TANGO6: variants seen among roughly 807,000 people sequenced by gnomAD.
TANGO6 encodes the protein transport and golgi organization 6 homolog, also known as transport and Golgi organization protein 6 homolog.
Under a neutral mutation model 114.2 loss-of-function variants are expected in TANGO6, and 90 were observed. That is an observed-to-expected ratio of 0.79 (90% CI 0.66 to 0.94). TANGO6 has a LOEUF of 0.94. TANGO6 is among the 40% of genes least tolerant of loss of function. The probability of loss-of-function intolerance (pLI) is 0.00; values close to 1 mark genes in which losing one functional copy is unlikely to be tolerated. For missense variants in TANGO6, 1,274 were observed against 1,315.3 expected (o/e 0.97, Z 0.49); for synonymous variants, 477 against 509.8 (o/e 0.94, Z 0.87).
rs762183826 is a variant in TANGO6, at chr16:68,909,268, A to G, written c.1858A>G (p.Ser620Gly). The change falls in exon 11 of 18, where the codon AGC becomes GGC. Residue 620 changes from serine to glycine, a missense_variant. This residue lies in a region of TANGO6 where 908 missense variants were observed against 910.2 expected (regional missense o/e 1.00). Transcript: ENST00000261778. ...ETELKTEPFSSKSLLELEQHQ... is the reference protein window; with the variant it reads ...ETELKTEPFSGKSLLELEQHQ... ...AGAGTTAAAAACTGAGCCCTTCTCC[A>G]GCAAGAGCCTCTTGGAATTAGAGCA... 1 of 1,609,432 alleles carries G rather than the reference A, an allele frequency of 6.2e-7. No individual in the cohort carries two copies. The highest frequency in any genetic ancestry group is 8.5e-7 in the Non-Finnish European group (1 of 1,177,640).
chr16:69,059,217 A>T (rs968241143), intron 17 of TANGO6, among the ~76,000 whole-genome samples: 6 of 150,152 alleles, frequency 4.0e-5, no homozygotes, highest in African/African-American at 1.2e-4. Flanking sequence ...TGGGAAGTGT[A>T]CGCCACCACG....
At chr16:69,070,568 G>A (rs546436949) in intron 17 of TANGO6, among the ~76,000 whole-genome samples, 1 of 150,396 alleles carries the variant, frequency 6.6e-6, no homozygotes, top group Non-Finnish European at 1.5e-5. Flanking sequence ...GGGAGGCAGA[G>A]GTTGCAGTGA....
chr16:69,028,095 G>T (rs1460766347), intron 16 of TANGO6, among the ~76,000 whole-genome samples: 2 of 152,046 alleles, frequency 1.3e-5, no homozygotes, highest in Non-Finnish European at 2.9e-5. Flanking sequence ...CAGTAGCTGG[G>T]ATTACAGGCA....
chr16:69,027,131 G>A (rs1226913640), intron 16 of TANGO6, among the ~76,000 whole-genome samples: 1 of 152,156 alleles, frequency 6.6e-6, no homozygotes, highest in African/African-American at 2.4e-5. Flanking sequence ...CGAAGTGCTG[G>A]GATTACAGGC....
rs574666178 is a variant in TANGO6, at chr16:68,968,961, C to T, written c.2702-5067C>T. On this transcript the variant is annotated intron_variant, in intron 14 of 17. Coordinates refer to ENST00000261778, the MANE Select transcript of TANGO6 (RefSeq NM_024562.2). Reference sequence around the variant, plus strand: ...CTGGGATTACAGGCATGAGCCACCGCGCCTGGCCACCTAACATTTTTTTAG... The same window carrying T: ...CTGGGATTACAGGCATGAGCCACCGTGCCTGGCCACCTAACATTTTTTTAG... Among the ~76,000 whole-genome samples, 24 of 152,272 alleles carry T rather than the reference C, an allele frequency of 1.6e-4. No individual in the cohort carries two copies. In the South Asian group the frequency reaches 4.2e-3, roughly 26 times the overall value.
At chr16:68,950,438 T>A (rs1176123456) in intron 14 of TANGO6, among the ~76,000 whole-genome samples, 1 of 151,878 alleles carries the variant, frequency 6.6e-6, no homozygotes, top group East Asian at 1.9e-4. Flanking sequence ...TAGTATGGGT[T>A]CCTATAATCC....
At chr16:68,985,742 A>G (rs1475837062) in intron 15 of TANGO6, among the ~76,000 whole-genome samples, 1 of 152,236 alleles carries the variant, frequency 6.6e-6, no homozygotes, top group Non-Finnish European at 1.5e-5. Flanking sequence ...TTTAATTTTA[A>G]AAGATACTTA....
intron 4 of TANGO6, among the ~76,000 whole-genome samples, chr16:68,872,299 A>AT (rs1326325264): frequency 1.0e-4 from 15 of 146,510 alleles, no homozygotes; most frequent in South Asian, 2.2e-4. Flanking sequence ...TGTTCTACTG[A>AT]TTTTTTTTTC....
intron 15 of TANGO6, among the ~76,000 whole-genome samples, chr16:68,974,471 G>A (rs1475027226): frequency 6.6e-6 from 1 of 152,112 alleles, no homozygotes; most frequent in Non-Finnish European, 1.5e-5. Context: ...AGACCAGCCT[G>A]GTCCACATGG....
At chr16:69,007,838 C>A (rs1206209306) in intron 15 of TANGO6, among the ~76,000 whole-genome samples, 1 of 152,170 alleles carries the variant, frequency 6.6e-6, no homozygotes, top group South Asian at 2.1e-4. Context: ...TTGATTACAG[C>A]CCTCCCAGTG....
At chr16:68,857,089 A>T (rs113080350) in intron 1 of TANGO6, among the ~76,000 whole-genome samples, 22,122 of 152,270 alleles carry the variant, frequency 0.15, 1,558 homozygotes, top group East Asian at 0.16. Context: ...AGCCTGGGCG[A>T]CAGAGCGAGA....
intron 15 of TANGO6, among the ~76,000 whole-genome samples, chr16:68,995,950 T>A (rs917747610): frequency 1.3e-5 from 2 of 152,150 alleles, no homozygotes; most frequent in Admixed American, 1.3e-4. Context: ...TCTTGTGAGG[T>A]TCAAACAAGA....
intron 1 of TANGO6, among the ~76,000 whole-genome samples, chr16:68,844,894 CAATT>C (rs1342154140): frequency 2.0e-5 from 3 of 151,218 alleles, no homozygotes; most frequent in Non-Finnish European, 4.4e-5. Flanking sequence ...TACATTGTCT[CAATT>C]AAGAGTCAGA....
In TANGO6 at chr16:69,022,883, G is replaced by T; in HGVS notation, c.2898G>T (p.Val966=). 6.3e-7 allele frequency: 1 copy of T among 1,595,814 alleles called. No homozygotes were observed. The highest frequency in any genetic ancestry group is 2.3e-5 in the East Asian group (1 of 44,400). Residue 966 remains valine, a synonymous_variant, in exon 16 of 18, where the codon GTG becomes GTT. Transcript: ENST00000261778. ...TGATCCATACCTTCCTGAGGGGAGT[G>T]AGAGATCCTGATGGTGCTCACAGGG... is the stretch of plus-strand genomic sequence containing the variant. ...EPLIHTFLRG[V]RDPDGAHRAS...
chr16:68,975,592 C>T (rs1466066064), intron 15 of TANGO6, among the ~76,000 whole-genome samples: 2 of 151,492 alleles, frequency 1.3e-5, no homozygotes, highest in African/African-American at 4.9e-5. Flanking sequence ...GGGTCTTACT[C>T]AGTCACCCAG....
At chr16:68,889,877 CTT>C (rs1323506779) in intron 7 of TANGO6, among the ~76,000 whole-genome samples, 2 of 152,206 alleles carry the variant, frequency 1.3e-5, no homozygotes, top group African/African-American at 4.8e-5. Flanking sequence ...TGTCAGTTCT[CTT>C]TTGGTTCAGG....
chr16:68,980,430 TATATA>T (rs1279992844), intron 15 of TANGO6, among the ~76,000 whole-genome samples: 34 of 102,578 alleles, frequency 3.3e-4, no homozygotes, highest in African/African-American at 1.2e-3. Context: ...TATATATATA[TATATA>T]TTTTTTTTTT....
chr16:68,979,599 A>G (rs371993604), intron 15 of TANGO6, among the ~76,000 whole-genome samples: 3 of 152,046 alleles, frequency 2.0e-5, no homozygotes, highest in Admixed American at 6.6e-5. Context: ...TATATTATCA[A>G]TGTTTGTCTG....
At chr16:69,060,084 G>T (rs944337488) in intron 17 of TANGO6, among the ~76,000 whole-genome samples, 1 of 152,144 alleles carries the variant, frequency 6.6e-6, no homozygotes, top group Non-Finnish European at 1.5e-5. Flanking sequence ...TGCCTCGAAT[G>T]CCTTCCTTCC....
Sources: allele counts gnomAD v4.1 joint callset (sites outside exome capture counted in the v4.1 genomes callset), GRCh38; gene constraint gnomAD v4.1.1; regional missense constraint gnomAD v4.1.1; transcripts MANE v1.5; gene names NCBI Gene and HGNC (gene_info 2026-07-23, HGNC 2026-07-21).